Variants in CNGB3 observed in about 807,000 individuals in gnomAD.
The protein encoded by CNGB3 is cyclic nucleotide-gated channel beta-3.
A neutral mutation model predicts 92.8 loss-of-function variants in CNGB3; 86 were observed. The ratio of observed to expected loss-of-function variants is 0.93; its 90% CI spans 0.78 to 1.11. The LOEUF (loss-of-function observed/expected upper bound fraction) is 1.11, where lower values mean the gene tolerates loss of function less well. Ranked by LOEUF, CNGB3 falls within the 50% of genes least tolerant of loss-of-function variation. The probability of loss-of-function intolerance (pLI) is 0.00; values close to 1 mark genes in which losing one functional copy is unlikely to be tolerated. For synonymous variants in CNGB3, 333 were observed against 332.7 expected (o/e 1.00, Z -0.01); for missense variants, 1,026 against 956.8 (o/e 1.07, Z -0.95).
chr8:86,594,985 G>A (rs1322272880), intron 15 of CNGB3, among the ~76,000 whole-genome samples: 1 of 152,150 alleles, frequency 6.6e-6, no homozygotes, highest in East Asian at 1.9e-4. Flanking sequence ...GCCTCCCAAA[G>A]TGCTGGGATT....
chr8:86,631,868 C>T (rs1585980779), intron 11 of CNGB3, among the ~76,000 whole-genome samples: 1 of 152,138 alleles, frequency 6.6e-6, no homozygotes, highest in Non-Finnish European at 1.5e-5. Flanking sequence ...ATATCAGGGA[C>T]TTTGCTGACT....
At chr8:86,723,269 A>C (rs1169657704) in intron 3 of CNGB3, among the ~76,000 whole-genome samples, 2 of 152,144 alleles carry the variant, frequency 1.3e-5, no homozygotes. Context: ...CACTTACAAT[A>C]AGAAAACTTC....
intron 3 of CNGB3, among the ~76,000 whole-genome samples, chr8:86,698,089 A>G (rs531257484): frequency 2.6e-5 from 4 of 152,224 alleles, no homozygotes; most frequent in African/African-American, 7.2e-5. Flanking sequence ...CAAAAATCAC[A>G]TTTAGCCATT....
At position 86,575,416 on chromosome 8, in the gene CNGB3, A is replaced by G. The variant is rs1036346401; in HGVS notation, c.*388T>C. ...AACCTAGAACAATTAGCCAGGCTTT[A>G]GAGTGCCAAAGAAGAAATTAAACAC... On this transcript the variant is annotated 3_prime_UTR_variant, in exon 18 of 18. Transcript: ENST00000320005. 4.7e-5 allele frequency: 8 copies of G among 168,706 alleles called. No individual in the cohort carries two copies. The highest frequency in any genetic ancestry group is 1.8e-4 in the Admixed American group (3 of 16,432). The allele number at this position is 168,706 out of a possible 1,614,324, so 10.5% of individuals were successfully genotyped here. A position where few individuals can be genotyped will look rare whatever the true frequency, so the allele number is the denominator to read the frequency against.
intron 10 of CNGB3, among the ~76,000 whole-genome samples, chr8:86,642,023 C>G (rs1585987433): frequency 6.6e-6 from 1 of 151,730 alleles, no homozygotes; most frequent in East Asian, 1.9e-4. Flanking sequence ...TTGGCCATTC[C>G]TTTCGTTTTT....
chr8:86,592,765 G>A (rs1040195863), intron 15 of CNGB3, among the ~76,000 whole-genome samples: 5 of 152,100 alleles, frequency 3.3e-5, no homozygotes, highest in Admixed American at 1.3e-4. Flanking sequence ...GCTGAGTAAG[G>A]GATTAAAACT....
At chr8:86,710,184 G>C (rs1246546204) in intron 3 of CNGB3, among the ~76,000 whole-genome samples, 2 of 152,074 alleles carry the variant, frequency 1.3e-5, no homozygotes, top group Non-Finnish European at 2.9e-5. Context: ...GCTTGTAAGT[G>C]GTTTTCTCAA....
intron 15 of CNGB3, among the ~76,000 whole-genome samples, chr8:86,591,727 C>G (rs1585953552): frequency 6.6e-6 from 1 of 152,206 alleles, no homozygotes; most frequent in South Asian, 2.1e-4. Context: ...ACTGGGAGAA[C>G]CACTGCTCTC....
intron 2 of CNGB3, 35 bp downstream of exon 2, chr8:86,739,620 G>GTTTTTTTTTTTTTTTTTTTTT: frequency 1.3e-6 from 2 of 1,488,504 alleles, no homozygotes; most frequent in African/African-American, 1.5e-5. Flanking sequence ...TCACTTTTTA[G>GTTTTTTTTTTTTTTTTTTTTT]TTTTTTTTTT....
At chr8:86,586,214 C>T (rs1454758767) in intron 15 of CNGB3, among the ~76,000 whole-genome samples, 5 of 152,160 alleles carry the variant, frequency 3.3e-5, no homozygotes, top group African/African-American at 1.2e-4. Flanking sequence ...ATGATTAACA[C>T]CTGCCCTCAA....
intron 6 of CNGB3, chr8:86,659,865 G>C (rs1198544368): frequency 1.1e-4 from 46 of 424,078 alleles, no homozygotes; most frequent in Non-Finnish European, 1.2e-4. Context: ...CTTCAGGTTA[G>C]CAGATGATGC....
intron 3 of CNGB3, among the ~76,000 whole-genome samples, chr8:86,688,007 A>G (rs1343556560): frequency 2.0e-5 from 3 of 152,030 alleles, no homozygotes; most frequent in Non-Finnish European, 4.4e-5. Flanking sequence ...TAAGAAAGGA[A>G]TTATCAGGCA....
rs762621879 is a variant in CNGB3 at position 86,611,684 on chromosome 8, A to G, written c.1579-13T>C. The G allele has an allele frequency of 7.3e-5, 116 of 1,581,764 alleles. No homozygotes were observed. Among genetic ancestry groups the G allele is most frequent in the Non-Finnish European group, 9.7e-5 (112 of 1,151,180 alleles). On this transcript the variant is annotated splice_polypyrimidine_tract_variant and intron_variant, in intron 13 of 17. Coordinates refer to ENST00000320005, the MANE Select transcript of CNGB3 (RefSeq NM_019098.5). Reference sequence around the variant, plus strand: ...GTGTATCACAACCCTATATAAAAAGAAAAATAATTCTTATAGAAACAACTA... The same window carrying G: ...GTGTATCACAACCCTATATAAAAAGGAAAATAATTCTTATAGAAACAACTA...
In CNGB3 at chr8:86,657,317, A is replaced by G. The variant is rs115870674; in HGVS notation, c.853-3255T>C. 3.2e-3 allele frequency: 1,183 copies of G among 370,304 alleles called. 13 individuals carry two copies. Among genetic ancestry groups the G allele is most frequent in the African/African-American group, 0.024 (1,128 of 46,942 alleles). 22.9% of individuals were successfully genotyped at this position (370,304 alleles called of 1,614,324 possible). A position where few individuals can be genotyped will look rare whatever the true frequency, so the allele number is the denominator to read the frequency against. On this transcript the variant is annotated intron_variant, in intron 6 of 17. Transcript: ENST00000320005. ...ATGGGGTGACTGGGAAGGGGTGGTA[A>G]GGACCTGGTGGGGATGGAGCCTCTG...
chr8:86,649,217 T>C (rs1031181854), intron 7 of CNGB3, among the ~76,000 whole-genome samples: 1 of 151,538 alleles, frequency 6.6e-6, no homozygotes, highest in Non-Finnish European at 1.5e-5. Context: ...ATTGGAAGGA[T>C]CAATATTGTA....
At chr8:86,709,163 T>A (rs185178143) in intron 3 of CNGB3, among the ~76,000 whole-genome samples, 230 of 152,236 alleles carry the variant, frequency 1.5e-3, no homozygotes, top group Admixed American at 3.4e-3. Context: ...CTAGAGGGGA[T>A]TAGCACACTA....
intron 15 of CNGB3, among the ~76,000 whole-genome samples, chr8:86,592,289 A>G (rs1400973491): frequency 6.6e-6 from 1 of 152,128 alleles, no homozygotes; most frequent in East Asian, 1.9e-4. Context: ...AAATGCAGAA[A>G]TCACCCGTCT....
chr8:86,687,879 A>G (rs753812054), intron 3 of CNGB3, among the ~76,000 whole-genome samples: 1 of 152,010 alleles, frequency 6.6e-6, no homozygotes, highest in African/African-American at 2.4e-5. Flanking sequence ...TAGAGTGCCT[A>G]TTATGAAATA....
chr8:86,700,616 A>C (rs1379864527), intron 3 of CNGB3, among the ~76,000 whole-genome samples: 1 of 152,162 alleles, frequency 6.6e-6, no homozygotes, highest in Non-Finnish European at 1.5e-5. Context: ...AAGTAGATGG[A>C]CTGGTAGACC....
Sources: gnomAD v4.1 joint callset for allele counts (sites outside exome capture counted in the v4.1 genomes callset) on GRCh38, gnomAD v4.1.1 for gene constraint, MANE v1.5 for transcripts, NCBI Gene and HGNC (gene_info 2026-07-23, HGNC 2026-07-21) for gene names.